The following ADAM20 variants were observed in gnomAD, a reference collection of about 807,000 sequenced individuals.
ADAM20 encodes ADAM metallopeptidase domain 20.
For missense variants in ADAM20, 871 were observed against 883.2 expected (o/e 0.99, Z 0.18); for synonymous variants, 305 against 310.2 (o/e 0.98, Z 0.18).
chr14:70,540,591 G>A, the ADAM20 span, among the ~76,000 whole-genome samples: 1 of 152,124 alleles, frequency 6.6e-6, no homozygotes, highest in East Asian at 1.9e-4. Flanking sequence ...AGCCCAAACA[G>A]AATAATCTTT....
chr14:70,563,421 T>C, the ADAM20 span, among the ~76,000 whole-genome samples: 1 of 152,134 alleles, frequency 6.6e-6, no homozygotes, highest in Non-Finnish European at 1.5e-5. Flanking sequence ...AAAATAATAT[T>C]TGGACTGAAA....
At chr14:70,570,921 G>C in the ADAM20 span, among the ~76,000 whole-genome samples, 1 of 149,650 alleles carries the variant, frequency 6.7e-6, no homozygotes. Context: ...ATGATCAAGT[G>C]GGCTTTATTT....
At chr14:70,578,751 T>C in the ADAM20 span, among the ~76,000 whole-genome samples, 1 of 152,078 alleles carries the variant, frequency 6.6e-6, no homozygotes, top group Non-Finnish European at 1.5e-5. Flanking sequence ...CAAGGGTATA[T>C]TGTGTGATGC....
At chr14:70,574,824 CAT>C in the ADAM20 span, among the ~76,000 whole-genome samples, 1 of 151,542 alleles carries the variant, frequency 6.6e-6, no homozygotes, top group Non-Finnish European at 1.5e-5. Flanking sequence ...TAAAACGCAG[CAT>C]ATATATATAA....
the ADAM20 span, among the ~76,000 whole-genome samples, chr14:70,545,594 T>G: frequency 6.6e-6 from 1 of 151,782 alleles, no homozygotes; most frequent in Non-Finnish European, 1.5e-5. Flanking sequence ...CAAAATAGAT[T>G]TCAAGAAAAA....
rs1883499571 is a variant in ADAM20, at chr14:70,523,352, A to G, written c.1406T>C (p.Val469Ala). The G allele has an allele frequency of 6.2e-7, 1 of 1,613,912 alleles. No homozygotes were observed. The highest frequency in any genetic ancestry group is 1.3e-5 in the African/African-American group (1 of 74,902). Residue 469 changes from valine (V) to alanine (A), a missense_variant, in exon 2 of 2, where the codon GTT becomes GCT. Transcript: ENST00000256389. ...LPSGTLCRQQ[V>A]GECDLPEWCN... The stretch of plus-strand genomic sequence containing the variant: ...CCACTCTGGAAGGTCACATTCACCA[A>G]CTTGTTGTCTACATAAAGTTCCTGA...
upstream of ADAM20, among the ~76,000 whole-genome samples, chr14:70,539,737 C>T (rs2139549038): frequency 6.6e-6 from 1 of 152,320 alleles, no homozygotes; most frequent in Non-Finnish European, 1.5e-5. Context: ...TCTCTGTATA[C>T]TGTACTTCTG....
At chr14:70,577,269 A>G in the ADAM20 span, among the ~76,000 whole-genome samples, 3 of 152,340 alleles carry the variant, frequency 2.0e-5, no homozygotes, top group Middle Eastern at 3.4e-3. Flanking sequence ...TAAAAAAATA[A>G]TATCATGAAA....
In ADAM20 at chr14:70,524,943, C is replaced by A; in HGVS notation, c.-176-10G>T. On this transcript the variant is annotated splice_polypyrimidine_tract_variant and intron_variant, in intron 1 of 1. Transcript: ENST00000256389. ...GTGCTGAAAATAAAAACTGAAAGAG[C>A]CAGGATGGGGTGGGTGGGATAGAAA... The A allele has an allele frequency of 6.4e-7, 1 of 1,550,912 alleles. No homozygotes were observed. The highest frequency in any genetic ancestry group is 8.7e-7 in the Non-Finnish European group (1 of 1,149,618).
At chr14:70,568,609 G>T in the ADAM20 span, among the ~76,000 whole-genome samples, 1 of 152,114 alleles carries the variant, frequency 6.6e-6, no homozygotes, top group Non-Finnish European at 1.5e-5. Flanking sequence ...AGAGAAAGTT[G>T]AAATCCAATA....
the ADAM20 span, among the ~76,000 whole-genome samples, chr14:70,561,416 A>G: frequency 6.6e-6 from 1 of 152,256 alleles, no homozygotes; most frequent in African/African-American, 2.4e-5. Flanking sequence ...AAAGTTTAGA[A>G]AATTTGTAGT....
At chr14:70,562,675 G>A in the ADAM20 span, among the ~76,000 whole-genome samples, 1 of 152,162 alleles carries the variant, frequency 6.6e-6, no homozygotes, top group Non-Finnish European at 1.5e-5. Flanking sequence ...GTTTAACAGT[G>A]TGTAGCACTT....
the ADAM20 span, among the ~76,000 whole-genome samples, chr14:70,563,016 T>C: frequency 6.6e-6 from 1 of 152,242 alleles, no homozygotes; most frequent in African/African-American, 2.4e-5. Flanking sequence ...AGGATATTCA[T>C]TAACGAAACT....
the ADAM20 span, among the ~76,000 whole-genome samples, chr14:70,576,244 G>C: frequency 1.2e-4 from 18 of 152,226 alleles, no homozygotes; most frequent in African/African-American, 4.3e-4. Context: ...ATCGGAAAAA[G>C]AGACAACTAT....
rs1483990026 is a variant in ADAM20, at chr14:70,534,979, G to C, written c.-359C>G. On this transcript the variant is annotated 5_prime_UTR_variant, in exon 1 of 2. Transcript: ENST00000256389. ...AAAATGGGAATCTGAGATTGATGTGGGCATGACCCTAGTCTTAAACACACT... is the reference window on the plus strand; with the variant it reads ...AAAATGGGAATCTGAGATTGATGTGCGCATGACCCTAGTCTTAAACACACT... 6.6e-6 allele frequency: 1 copy of C among 152,158 alleles called. No homozygotes were observed. Among genetic ancestry groups the C allele is most frequent in the Non-Finnish European group, 1.5e-5 (1 of 68,022 alleles). The allele number at this position is 152,158 out of a possible 1,614,324, so 9.4% of individuals were successfully genotyped here. A position where few individuals can be genotyped will look rare whatever the true frequency, so the allele number is the denominator to read the frequency against.
At chr14:70,578,060 T>C in the ADAM20 span, among the ~76,000 whole-genome samples, 2 of 152,134 alleles carry the variant, frequency 1.3e-5, no homozygotes, top group Non-Finnish European at 2.9e-5. Context: ...TGTACATCAA[T>C]GGACACTATC....
chr14:70,523,120 A>C lies in ADAM20; in HGVS notation c.1638T>G (p.Ile546Met). 6.2e-7 allele frequency: 1 copy of C among 1,614,046 alleles called. No homozygotes were observed. The highest frequency in any genetic ancestry group is 8.5e-7 in the Non-Finnish European group (1 of 1,179,954). ...TQGNRFGHCGIVGTTYVKCWT... is the reference protein window; with the variant it reads ...TQGNRFGHCGMVGTTYVKCWT... ...AACATTTTACATATGTTGTGCCTAC[A>C]ATACCACAGTGACCGAAACGGTTTC... The change falls in exon 2 of 2, where the codon ATT (isoleucine) becomes ATG (methionine). Residue 546 changes from isoleucine to methionine, a missense_variant. Transcript: ENST00000256389.
chr14:70,522,648 C>T lies in ADAM20; in HGVS notation c.2110G>A (p.Ala704Thr). 6.2e-7 allele frequency: 1 copy of T among 1,613,750 alleles called. No individual in the cohort carries two copies. Among genetic ancestry groups the T allele is most frequent in the Non-Finnish European group, 8.5e-7 (1 of 1,179,844 alleles). Residue 704 changes from alanine to threonine, a missense_variant, in exon 2 of 2, where the codon GCT becomes ACT. By Grantham distance (58) the Ala-to-Thr change is moderately conservative. Transcript: ENST00000256389. ...LSLLCLLPLV[A>T]FLLFCLHVLF... ...ACATGTAAGCAAAATAATAAAAAAGCAACCAAAGGAAGAAGGCACAATAGT... is the reference window on the plus strand; with the variant it reads ...ACATGTAAGCAAAATAATAAAAAAGTAACCAAAGGAAGAAGGCACAATAGT...
At chr14:70,541,960 G>A in the ADAM20 span, among the ~76,000 whole-genome samples, 2 of 152,020 alleles carry the variant, frequency 1.3e-5, no homozygotes, top group Non-Finnish European at 2.9e-5. Context: ...TTTTATAACT[G>A]CTGTGAAGCT....
Sources: gnomAD v4.1 joint callset for allele counts (sites outside exome capture counted in the v4.1 genomes callset) on GRCh38, gnomAD v4.1.1 for gene constraint, MANE v1.5 for transcripts, NCBI Gene and HGNC (gene_info 2026-07-23, HGNC 2026-07-21) for gene names.